Variants in GALNTL6 observed in about 807,000 individuals in gnomAD.
The protein encoded by GALNTL6 is polypeptide N-acetylgalactosaminyltransferase-like 6.
Under a neutral mutation model 73.7 loss-of-function variants are expected in GALNTL6, and 46 were observed. The observed-to-expected ratio is 0.62, with a 90% CI of 0.49 to 0.80. GALNTL6 has a LOEUF of 0.80. GALNTL6 is among the 30% of genes least tolerant of loss of function. The pLI, the probability that GALNTL6 is intolerant of heterozygous loss-of-function variation, is 0.00. For missense variants in GALNTL6, 604 were observed against 755.0 expected, an observed-to-expected ratio of 0.80 and a Z score of 2.34; for synonymous variants, 259 against 263.7, an observed-to-expected ratio of 0.98 and a Z score of 0.17.
At chr4:173,031,283 TA>T (rs1753448762) in intron 12 of GALNTL6, among the ~76,000 whole-genome samples, 1 of 152,236 alleles carries the variant, frequency 6.6e-6, no homozygotes, top group Admixed American at 6.5e-5. Context: ...TAGCCGCTAC[TA>T]TACCATGCAT....
At chr4:172,251,258 C>T (rs1737856845) in intron 3 of GALNTL6, among the ~76,000 whole-genome samples, 1 of 152,000 alleles carries the variant, frequency 6.6e-6, no homozygotes, top group Non-Finnish European at 1.5e-5. Context: ...CTTATTAAAG[C>T]CTTCGACTGC....
intron 6 of GALNTL6, among the ~76,000 whole-genome samples, chr4:172,813,136 C>T (rs924550768): frequency 1.3e-5 from 2 of 152,100 alleles, no homozygotes; most frequent in Non-Finnish European, 1.5e-5. Flanking sequence ...CTTTTTGGAA[C>T]CTCCAGAAAG....
intron 5 of GALNTL6, among the ~76,000 whole-genome samples, chr4:172,608,192 T>C (rs1426787815): frequency 6.6e-6 from 1 of 152,186 alleles, no homozygotes. Flanking sequence ...ATCTTCATCA[T>C]GAACTCTTTT....
intron 3 of GALNTL6, among the ~76,000 whole-genome samples, chr4:172,233,617 G>A (rs551269008): frequency 2.0e-5 from 3 of 152,072 alleles, no homozygotes; most frequent in South Asian, 2.1e-4. Flanking sequence ...ATCCTGTTCT[G>A]TGAGTAAAAA....
At chr4:172,703,643 A>G (rs913089394) in intron 5 of GALNTL6, among the ~76,000 whole-genome samples, 5 of 151,950 alleles carry the variant, frequency 3.3e-5, no homozygotes, top group African/African-American at 1.2e-4. Context: ...GGATATTGGA[A>G]TGTACTTTCC....
chr4:172,606,619 G>GTATATATATACTATATATATAC (rs1161560310), intron 5 of GALNTL6, among the ~76,000 whole-genome samples: 1 of 33,020 alleles, frequency 3.0e-5, no homozygotes, highest in African/African-American at 7.0e-5. Context: ...TACATATATA[G>GTATATATATACTATATATATAC]TATATATATA....
In GALNTL6 at chr4:171,820,045, C is replaced by G. The variant is rs72980178; in HGVS notation, c.138+5327C>G. On this transcript the variant is annotated intron_variant, in intron 2 of 12. Transcript: ENST00000506823. ...GTACAGCTAATGATTTCTAAATTAT[C>G]TCAAAATGTAGTCGTAATGCTTGAA... Among the ~76,000 whole-genome samples, 537 of 152,194 alleles carry G rather than the reference C, an allele frequency of 3.5e-3. 2 individuals carry two copies. The highest frequency in any genetic ancestry group is 0.012 in the African/African-American group (510 of 41,548).
At chr4:172,267,795 G>A (rs1738499796) in intron 3 of GALNTL6, among the ~76,000 whole-genome samples, 1 of 151,954 alleles carries the variant, frequency 6.6e-6, no homozygotes, top group Non-Finnish European at 1.5e-5. Context: ...GTGTAGCCTT[G>A]TTCTTGGAAG....
chr4:172,670,869 G>A (rs552210105), intron 5 of GALNTL6, among the ~76,000 whole-genome samples: 57 of 152,136 alleles, frequency 3.7e-4, no homozygotes, highest in African/African-American at 1.3e-3. Context: ...TCTATATATG[G>A]CTACCCAGTT....
chr4:172,492,588 C>T (rs1733936186), intron 5 of GALNTL6, among the ~76,000 whole-genome samples: 1 of 152,064 alleles, frequency 6.6e-6, no homozygotes, highest in South Asian at 2.1e-4. Context: ...CACATGCTCG[C>T]AGTATAATAG....
At chr4:171,910,628 C>A (rs1737449804) in intron 2 of GALNTL6, among the ~76,000 whole-genome samples, 1 of 151,508 alleles carries the variant, frequency 6.6e-6, no homozygotes, top group Admixed American at 6.6e-5. Context: ...AAGTATTAAC[C>A]ATCTTACCCT....
At chr4:172,377,803 G>A (rs926685753) in intron 5 of GALNTL6, among the ~76,000 whole-genome samples, 2 of 152,262 alleles carry the variant, frequency 1.3e-5, no homozygotes, top group African/African-American at 4.8e-5. Flanking sequence ...ACTGCCCAGG[G>A]CTGGCTGCAC....
intron 10 of GALNTL6, among the ~76,000 whole-genome samples, chr4:172,984,362 TCA>T (rs1751202269): frequency 6.6e-6 from 1 of 152,110 alleles, no homozygotes; most frequent in Non-Finnish European, 1.5e-5. Context: ...TATAAAACCA[TCA>T]GATCTCAGGA....
intron 5 of GALNTL6, among the ~76,000 whole-genome samples, chr4:172,448,026 TA>T (rs1286970406): frequency 2.0e-5 from 3 of 152,200 alleles, no homozygotes; most frequent in Non-Finnish European, 4.4e-5. Context: ...TGAGTTGACT[TA>T]TTTTTTTAAT....
chr4:172,819,167 C>T (rs951182218), intron 7 of GALNTL6, among the ~76,000 whole-genome samples: 3 of 152,192 alleles, frequency 2.0e-5, no homozygotes, highest in East Asian at 3.9e-4. Context: ...AAAATTCTAC[C>T]TCTTTGCTAC....
chr4:172,809,286 C>A lies in GALNTL6; in HGVS notation c.554-75C>A. On this transcript the variant is annotated intron_variant, in intron 5 of 12. Transcript: ENST00000506823. This position sits in a 1 kb window ranked among gnomAD's most constrained non-coding sequence, Gnocchi z 4.4. Reference sequence around the variant, plus strand: ...ATTCATCAGTCACATACTCTCTATGCACAAACAACCGTGAATAATTCAGCT... The same window carrying A: ...ATTCATCAGTCACATACTCTCTATGAACAAACAACCGTGAATAATTCAGCT... The A allele has an allele frequency of 1.6e-6, 2 of 1,212,614 alleles. No individual in the cohort carries two copies. The highest frequency in any genetic ancestry group is 2.4e-6 in the Non-Finnish European group (2 of 831,126). The allele number at this position is 1,212,614 out of a possible 1,614,324, so 75.1% of individuals were successfully genotyped here. A position where few individuals can be genotyped will look rare whatever the true frequency, so the allele number is the denominator to read the frequency against.
chr4:172,281,868 A>G (rs962758442), intron 3 of GALNTL6, among the ~76,000 whole-genome samples: 25 of 151,866 alleles, frequency 1.6e-4, no homozygotes, highest in African/African-American at 5.8e-4. Context: ...GGGCATGGAC[A>G]TCTTTGGGGG....
At chr4:173,025,619 C>T (rs1237994206) in intron 12 of GALNTL6, among the ~76,000 whole-genome samples, 2 of 152,200 alleles carry the variant, frequency 1.3e-5, no homozygotes, top group Admixed American at 6.5e-5. Flanking sequence ...GGAGATTTCA[C>T]AAAACCTGGT....
chr4:172,331,006 A>T (rs573276505), intron 4 of GALNTL6, among the ~76,000 whole-genome samples: 20 of 152,112 alleles, frequency 1.3e-4, no homozygotes, highest in Admixed American at 7.9e-4. Context: ...TGGATATTTT[A>T]AATATCTTTT....
Sources: allele counts gnomAD v4.1 joint callset (sites outside exome capture counted in the v4.1 genomes callset), GRCh38; gene constraint gnomAD v4.1.1; non-coding constraint Gnocchi (gnomAD v3.1); transcripts MANE v1.5; gene names NCBI Gene and HGNC (gene_info 2026-07-23, HGNC 2026-07-21).